ATP11C: variants seen among roughly 807,000 people sequenced by gnomAD.
ATP11C encodes phospholipid-transporting ATPase IG.
ATP11C carries 36 observed loss-of-function variants against 97.4 expected under a neutral mutation model. That is an observed-to-expected ratio of 0.37 (90% CI 0.28 to 0.49). The LOEUF is 0.49. ATP11C is among the 20% of genes least tolerant of loss of function. The pLI is 0.98. For missense variants in ATP11C, 730 were observed against 824.6 expected, an observed-to-expected ratio of 0.89 and a Z score of 1.40; for synonymous variants, 275 against 290.9, an observed-to-expected ratio of 0.95 and a Z score of 0.56.
At chrX:139,769,281 C>CATAT (rs55984113) in intron 19 of ATP11C, among the ~76,000 whole-genome samples, 758 of 28,013 alleles carry the variant, frequency 0.027, 22 homozygotes, top group Admixed American at 0.045. Context: ...GGCAAACATA[C>CATAT]ATATATATAT....
At chrX:139,904,921 GA>G (rs776952393) in intron 1 of ATP11C, among the ~76,000 whole-genome samples, 1 of 112,080 alleles carries the variant, frequency 8.9e-6, no homozygotes, top group South Asian at 3.7e-4. Flanking sequence ...CTCTAAGTAT[GA>G]ACGGAGCTAC....
chrX:139,787,146 A>G (rs1191162107), intron 15 of ATP11C, 27 bp downstream of exon 15: 8 of 1,205,985 alleles, frequency 6.6e-6, no homozygotes, highest in Admixed American at 2.2e-5. Context: ...TTAAGAAATG[A>G]CAAACATCAA....
At chrX:139,731,125 T>C (rs1435771715) in intron 29 of ATP11C, among the ~76,000 whole-genome samples, 3 of 111,369 alleles carry the variant, frequency 2.7e-5, no homozygotes. Flanking sequence ...TATTTGGAGA[T>C]CAGACATTTA....
At chrX:139,765,540 C>T (rs932576140) in intron 20 of ATP11C, among the ~76,000 whole-genome samples, 1 of 111,759 alleles carries the variant, frequency 8.9e-6, no homozygotes, top group Non-Finnish European at 1.9e-5. Flanking sequence ...TACAGAAGGA[C>T]GAGTGATTTG....
rs112668027 is a variant in ATP11C, at chrX:139,728,747, G to C, written c.*219C>G. ...TTAACTTACAGCTTTGGCCATAAAG[G>C]CTACTTACAATAATGGTAAATGCTT... On this transcript the variant is annotated 3_prime_UTR_variant, in exon 30 of 30. Coordinates refer to ENST00000682941, the MANE Select transcript of ATP11C (RefSeq NM_001353812.2). 3.7e-4 allele frequency: 142 copies of C among 387,801 alleles called. No homozygotes were observed. The highest frequency in any genetic ancestry group is 3.1e-3 in the African/African-American group (122 of 39,860). The allele number at this position is 387,801 out of a possible 1,213,427, so 32.0% of individuals were successfully genotyped here. A position where few individuals can be genotyped will look rare whatever the true frequency, so the allele number is the denominator to read the frequency against.
At chrX:139,902,947 C>G (rs996991317) in intron 1 of ATP11C, among the ~76,000 whole-genome samples, 1 of 110,611 alleles carries the variant, frequency 9.0e-6, no homozygotes, top group African/African-American at 3.4e-5. Context: ...GTTACCAACT[C>G]AAGAGTCTCA....
At chrX:139,755,966 A>G (rs1316256685) in intron 23 of ATP11C, among the ~76,000 whole-genome samples, 6 of 112,572 alleles carry the variant, frequency 5.3e-5, no homozygotes, top group African/African-American at 1.9e-4. Context: ...AAAAACAAAA[A>G]CTGACAAATG....
At chrX:139,825,634 C>T (rs185334640) in intron 2 of ATP11C, among the ~76,000 whole-genome samples, 1 of 112,210 alleles carries the variant, frequency 8.9e-6, no homozygotes, top group East Asian at 2.8e-4. Flanking sequence ...GTTAATCTCC[C>T]AGCAAAACAT....
Position 139,750,058 on chromosome X carries a change from A to G in ATP11C, c.2795T>C (p.Ile932Thr). The G allele has an allele frequency of 8.3e-7, 1 of 1,204,543 alleles. No homozygotes were observed. Among genetic ancestry groups the G allele is most frequent in the South Asian group, 1.8e-5 (1 of 55,861 alleles). ...TCGGGGATCTGAGGTCAGAGTGTCA[A>G]TGTTGATGTGCTGTTCCAGTAGACT... ...AYSLLEQHIN[I>T]DTLTSDPRLY... The change falls in exon 24 of 30, where the codon ATT (isoleucine) becomes ACT (threonine). Residue 932 changes from isoleucine (I) to threonine (T), a missense_variant. Ile to Thr is a moderately conservative substitution (Grantham distance 89). Coordinates refer to ENST00000682941, the MANE Select transcript of ATP11C (RefSeq NM_001353812.2).
intron 1 of ATP11C, among the ~76,000 whole-genome samples, chrX:139,901,219 C>T (rs910387300): frequency 1.2e-4 from 13 of 111,297 alleles, no homozygotes; most frequent in African/African-American, 3.6e-4. Flanking sequence ...CCTGTGGAGA[C>T]GTGAGGGGGC....
At chrX:139,889,325 A>G (rs946020864) in intron 1 of ATP11C, among the ~76,000 whole-genome samples, 18 of 111,985 alleles carry the variant, frequency 1.6e-4, no homozygotes, top group African/African-American at 5.8e-4. Flanking sequence ...CTCAAAGGCT[A>G]TACATTTTGA....
At chrX:139,895,501 C>T (rs1373170791) in intron 1 of ATP11C, among the ~76,000 whole-genome samples, 2 of 111,786 alleles carry the variant, frequency 1.8e-5, no homozygotes, top group East Asian at 2.8e-4. Flanking sequence ...AACTCCTGAC[C>T]TCAAGTGATG....
chrX:139,818,969 T>C (rs189216327), intron 3 of ATP11C, among the ~76,000 whole-genome samples: 2 of 111,934 alleles, frequency 1.8e-5, no homozygotes. Context: ...AAGTTTCCAA[T>C]TAGGCTGAAA....
chrX:139,810,382 G>A (rs1365453541), intron 5 of ATP11C, among the ~76,000 whole-genome samples: 1 of 111,540 alleles, frequency 9.0e-6, no homozygotes, highest in Non-Finnish European at 1.9e-5. Flanking sequence ...TTGAACCCGG[G>A]AGGTGGAGGT....
chrX:139,859,015 T>G lies in ATP11C; in HGVS notation c.28-32192A>C, dbSNP rs776548768. Among the ~76,000 whole-genome samples, 5 of 112,691 alleles carry G rather than the reference T, an allele frequency of 4.4e-5. No individual in the cohort carries two copies. The South Asian group carries it at 1.8e-3, about 41-fold the overall frequency. On this transcript the variant is annotated intron_variant, in intron 1 of 29. Coordinates refer to ENST00000682941, the MANE Select transcript of ATP11C (RefSeq NM_001353812.2). ...TTACTTTGATTTTAGAAACTGAAAC[T>G]TTAAGATAATTACATTTTTTTTAAA... is the stretch of plus-strand genomic sequence containing the variant.
chrX:139,744,459 G>T (rs1389369115), intron 25 of ATP11C, among the ~76,000 whole-genome samples: 1 of 111,853 alleles, frequency 8.9e-6, no homozygotes, highest in African/African-American at 3.2e-5. Context: ...CTGAATTGAT[G>T]CTCTCATGCA....
At chrX:139,815,173 TTAGA>T (rs1399562019) in intron 4 of ATP11C, among the ~76,000 whole-genome samples, 188 bp from the exon 5 acceptor site, 1 of 112,241 alleles carries the variant, frequency 8.9e-6, no homozygotes, top group African/African-American at 3.2e-5. Flanking sequence ...AAAATACTCC[TTAGA>T]TAAATAGCTT....
At chrX:139,888,370 T>C (rs1470324665) in intron 1 of ATP11C, among the ~76,000 whole-genome samples, 1 of 110,695 alleles carries the variant, frequency 9.0e-6, no homozygotes, top group Admixed American at 9.7e-5. Flanking sequence ...TGACCTCAAG[T>C]AATCTGCCCA....
chrX:139,925,440 C>T (rs1328598384), intron 1 of ATP11C, among the ~76,000 whole-genome samples: 1 of 9,242 alleles, frequency 1.1e-4, no homozygotes, highest in Non-Finnish European at 4.9e-4. Context: ...CCTGTGCTAC[C>T]ACTCCTGGCT....
Sources: allele counts gnomAD v4.1 joint callset (sites outside exome capture counted in the v4.1 genomes callset), GRCh38; gene constraint gnomAD v4.1.1; transcripts MANE v1.5; gene names NCBI Gene and HGNC (gene_info 2026-07-23, HGNC 2026-07-21).